ZC3H12B: variants seen among roughly 807,000 people sequenced by gnomAD.
The protein encoded by ZC3H12B is probable ribonuclease ZC3H12B.
ZC3H12B carries 7 observed loss-of-function variants against 43.9 expected under a neutral mutation model. That is an observed-to-expected ratio of 0.16 (90% CI 0.09 to 0.30). The LOEUF (loss-of-function observed/expected upper bound fraction) is 0.30, where lower values mean the gene tolerates loss of function less well. Among genes scored for constraint, ZC3H12B ranks in the 10% least tolerant of loss-of-function variants. ZC3H12B has a pLI of 1.00. For missense variants in ZC3H12B, 475 were observed against 670.2 expected (o/e 0.71, Z 3.22); for synonymous variants, 222 against 241.7 (o/e 0.92, Z 0.76).
At chrX:65,084,224 C>T in the ZC3H12B span, among the ~76,000 whole-genome samples, 1 of 111,736 alleles carries the variant, frequency 8.9e-6, no homozygotes, top group Non-Finnish European at 1.9e-5. Flanking sequence ...CAGTACTCCA[C>T]AAGCACAGGC....
chrX:65,132,602 TTTAG>T, the ZC3H12B span, among the ~76,000 whole-genome samples: 1 of 110,647 alleles, frequency 9.0e-6, no homozygotes, highest in African/African-American at 3.3e-5. Flanking sequence ...AAGCAGATAA[TTTAG>T]TTAAAATGTC....
chrX:65,282,068 A>G, the ZC3H12B span, among the ~76,000 whole-genome samples: 1 of 112,147 alleles, frequency 8.9e-6, no homozygotes, highest in African/African-American at 3.2e-5. Flanking sequence ...TATGATAAAA[A>G]AAGAAAAACT....
the ZC3H12B span, among the ~76,000 whole-genome samples, chrX:65,232,691 C>T: frequency 2.7e-5 from 3 of 110,932 alleles, no homozygotes; most frequent in Non-Finnish European, 5.7e-5. Flanking sequence ...AGAGTGCTAA[C>T]AAAGCTACAC....
the ZC3H12B span, among the ~76,000 whole-genome samples, chrX:65,222,602 A>AAATAATAATAAT: frequency 3.3e-5 from 3 of 91,161 alleles, no homozygotes; most frequent in Admixed American, 1.3e-4. Context: ...AATAGCTGCA[A>AAATAATAATAAT]AATAATAATA....
the ZC3H12B span, among the ~76,000 whole-genome samples, chrX:65,118,670 C>CT: frequency 6.4e-5 from 7 of 109,737 alleles, no homozygotes; most frequent in African/African-American, 2.3e-4. Flanking sequence ...TTTTATTATA[C>CT]TTTAAGCTTT....
the ZC3H12B span, among the ~76,000 whole-genome samples, chrX:65,270,109 TC>T: frequency 9.0e-6 from 1 of 111,602 alleles, no homozygotes; most frequent in Non-Finnish European, 1.9e-5. Flanking sequence ...GTAGGAGGCA[TC>T]ATAATTTCTG....
chrX:65,119,382 G>A, the ZC3H12B span, among the ~76,000 whole-genome samples: 2 of 111,804 alleles, frequency 1.8e-5, no homozygotes, highest in Admixed American at 9.5e-5. Context: ...GTTTTGATTT[G>A]CATTTCTCTG....
chrX:65,338,896 A>G, the ZC3H12B span, among the ~76,000 whole-genome samples: 1 of 112,378 alleles, frequency 8.9e-6, no homozygotes, highest in East Asian at 2.8e-4. Flanking sequence ...TGACAAACCT[A>G]CAGCCAGCAT....
At chrX:65,037,556 C>T in the ZC3H12B span, among the ~76,000 whole-genome samples, 266 of 111,637 alleles carry the variant, frequency 2.4e-3, 1 homozygote, top group African/African-American at 8.3e-3. Flanking sequence ...TTAAAATAAT[C>T]ATCCTATTTC....
the ZC3H12B span, among the ~76,000 whole-genome samples, chrX:65,075,410 C>T: frequency 8.9e-6 from 1 of 112,649 alleles, no homozygotes; most frequent in African/African-American, 3.2e-5. Flanking sequence ...GTGTTAACAT[C>T]TGTCTTCTCT....
the ZC3H12B span, among the ~76,000 whole-genome samples, chrX:65,218,030 C>G: frequency 8.9e-6 from 1 of 111,989 alleles, no homozygotes; most frequent in African/African-American, 3.2e-5. Flanking sequence ...TAATCAAGCT[C>G]TCAAAGATAA....
chrX:65,160,562 GTAT>G, the ZC3H12B span, among the ~76,000 whole-genome samples: 2 of 111,704 alleles, frequency 1.8e-5, no homozygotes, highest in Admixed American at 9.5e-5. Context: ...GGTGTTTGTA[GTAT>G]TCTCTGATGG....
At chrX:65,243,912 C>G in the ZC3H12B span, among the ~76,000 whole-genome samples, 1 of 111,452 alleles carries the variant, frequency 9.0e-6, no homozygotes, top group African/African-American at 3.3e-5. Flanking sequence ...TATGTTGGAG[C>G]TAATACAAAA....
the ZC3H12B span, among the ~76,000 whole-genome samples, chrX:65,322,608 T>C: frequency 8.9e-6 from 1 of 112,148 alleles, no homozygotes; most frequent in Non-Finnish European, 1.9e-5. Flanking sequence ...TCCGTGTCTG[T>C]TTTTATGCCA....
chrX:65,222,643 A>ATAC, the ZC3H12B span, among the ~76,000 whole-genome samples: 1 of 97,224 alleles, frequency 1.0e-5, no homozygotes, highest in Admixed American at 1.1e-4. Flanking sequence ...AATAATAATA[A>ATAC]TAATAATAAA....
At chrX:65,300,023 G>T in the ZC3H12B span, among the ~76,000 whole-genome samples, 1 of 112,521 alleles carries the variant, frequency 8.9e-6, no homozygotes, top group Non-Finnish European at 1.9e-5. Flanking sequence ...CCCCAGAGAA[G>T]TCATTCCTGA....
chrX:65,230,062 G>T, the ZC3H12B span, among the ~76,000 whole-genome samples: 1 of 111,101 alleles, frequency 9.0e-6, no homozygotes, highest in African/African-American at 3.3e-5. Context: ...TATAAATCTT[G>T]CTGCTATAAA....
the ZC3H12B span, among the ~76,000 whole-genome samples, chrX:65,101,388 A>T: frequency 8.9e-6 from 1 of 111,773 alleles, no homozygotes; most frequent in Non-Finnish European, 1.9e-5. Context: ...AATAAATAAG[A>T]TCAGAGCAGA....
chrX:65,224,885 G>T, the ZC3H12B span, among the ~76,000 whole-genome samples: 1 of 112,204 alleles, frequency 8.9e-6, no homozygotes, highest in Admixed American at 9.4e-5. Flanking sequence ...CTCAAACTGG[G>T]TGGAGCCCAC....
Sources: gnomAD v4.1 joint callset for allele counts (sites outside exome capture counted in the v4.1 genomes callset) on GRCh38, gnomAD v4.1.1 for gene constraint, MANE v1.5 for transcripts, NCBI Gene and HGNC (gene_info 2026-07-23, HGNC 2026-07-21) for gene names.